Variants in TCERG1L observed in about 807,000 individuals in gnomAD.
The protein encoded by TCERG1L is transcription elongation regulator 1-like protein.
A neutral mutation model predicts 56.3 loss-of-function variants in TCERG1L; 37 were observed. That is an observed-to-expected ratio of 0.66 (90% CI 0.51 to 0.87). The LOEUF (loss-of-function observed/expected upper bound fraction) is 0.87, where lower values mean the gene tolerates loss of function less well. Among genes scored for constraint, TCERG1L ranks in the 40% least tolerant of loss-of-function variants. The pLI is 0.00. For synonymous variants in TCERG1L, 324 were observed against 326.3 expected (o/e 0.99, Z 0.08); for missense variants, 799 against 774.2 (o/e 1.03, Z -0.38).
intron 3 of TCERG1L, among the ~76,000 whole-genome samples, chr10:131,293,246 G>A (rs1347450685): frequency 2.0e-5 from 3 of 152,100 alleles, no homozygotes; most frequent in Admixed American, 2.0e-4. Context: ...CTAATGCCTG[G>A]ATTTGAAAGC....
At chr10:131,165,368 C>T (rs4751336) in intron 5 of TCERG1L, among the ~76,000 whole-genome samples, 63,493 of 152,010 alleles carry the variant, frequency 0.42, 14,178 homozygotes, top group Non-Finnish European at 0.51. Context: ...GGTCTCTTTA[C>T]GTATGTTCAT....
At chr10:131,308,512 G>A (rs773663903) in intron 2 of TCERG1L, 121 bp from the exon 3 acceptor site, 30 of 804,444 alleles carry the variant, frequency 3.7e-5, no homozygotes, top group Non-Finnish European at 5.4e-5. Flanking sequence ...TATTATTGGG[G>A]ACTCTATAAA....
At chr10:131,179,855 C>G (rs1845151919) in intron 4 of TCERG1L, among the ~76,000 whole-genome samples, 1 of 152,200 alleles carries the variant, frequency 6.6e-6, no homozygotes, top group Non-Finnish European at 1.5e-5. Context: ...TCCCCGCACC[C>G]ACTTCTGGGT....
intron 6 of TCERG1L, among the ~76,000 whole-genome samples, chr10:131,149,755 A>T (rs1297864666): frequency 1.3e-5 from 2 of 152,058 alleles, no homozygotes; most frequent in African/African-American, 2.4e-5. Flanking sequence ...GTCTCCAGGC[A>T]CCCCTCTTGC....
intron 3 of TCERG1L, among the ~76,000 whole-genome samples, chr10:131,281,690 C>T (rs919389123): frequency 2.0e-5 from 3 of 151,232 alleles, no homozygotes; most frequent in Admixed American, 6.6e-5. Flanking sequence ...CCCGACGCTC[C>T]GTCCTAAAGT....
intron 4 of TCERG1L, among the ~76,000 whole-genome samples, chr10:131,244,067 G>C (rs1003346904): frequency 1.1e-4 from 17 of 152,196 alleles, no homozygotes; most frequent in African/African-American, 3.9e-4. Flanking sequence ...GTCTAAAATT[G>C]ACACACCCAG....
At chr10:131,248,892 G>A (rs1846072621) in intron 4 of TCERG1L, among the ~76,000 whole-genome samples, 1 of 152,334 alleles carries the variant, frequency 6.6e-6, no homozygotes. Context: ...TCTGACTGGG[G>A]GTGCCCAGCC....
chr10:131,235,792 A>G (rs1845906491), intron 4 of TCERG1L, among the ~76,000 whole-genome samples: 1 of 152,214 alleles, frequency 6.6e-6, no homozygotes, highest in South Asian at 2.1e-4. Context: ...TGAAGCCAGC[A>G]CCAGCAGGGG....
chr10:131,096,015 G>T (rs571710506), intron 11 of TCERG1L, among the ~76,000 whole-genome samples: 10 of 152,318 alleles, frequency 6.6e-5, no homozygotes, highest in African/African-American at 2.4e-4. Context: ...AGTAATGATG[G>T]TCTCAATAGC....
At chr10:131,285,518 AAGAAAGAG>A (rs756966443) in intron 3 of TCERG1L, among the ~76,000 whole-genome samples, 4,611 of 20,760 alleles carry the variant, frequency 0.22, 424 homozygotes, top group South Asian at 0.38. Context: ...GAAAGAAAGA[AAGAAAGAG>A]AGAAAGAAAA....
chr10:131,138,338 T>G (rs1845697524), intron 7 of TCERG1L, among the ~76,000 whole-genome samples: 1 of 152,146 alleles, frequency 6.6e-6, no homozygotes, highest in South Asian at 2.1e-4. Flanking sequence ...CTCTGCTGAC[T>G]GCAAAGACAA....
At chr10:131,180,813 C>T (rs1845166247) in intron 4 of TCERG1L, among the ~76,000 whole-genome samples, 1 of 149,110 alleles carries the variant, frequency 6.7e-6, no homozygotes, top group African/African-American at 2.4e-5. Context: ...CATCATTAAA[C>T]TTTATCAAAT....
At position 131,118,416 on chromosome 10, in the gene TCERG1L, C is replaced by T. The variant is rs1441247809; in HGVS notation, c.1260-1482G>A. Among the ~76,000 whole-genome samples, 1 of 152,186 alleles carries T rather than the reference C, an allele frequency of 6.6e-6. No homozygotes were observed. The highest frequency in any genetic ancestry group is 2.4e-5 in the African/African-American group (1 of 41,450). On this transcript the variant is annotated intron_variant, in intron 8 of 11. Coordinates refer to ENST00000368642, the MANE Select transcript of TCERG1L (RefSeq NM_174937.4). This position sits in a 1 kb window ranked among gnomAD's most constrained non-coding sequence, Gnocchi z 4.2. ...AGTCTCTCCTGGGCCACAGTCTCCCCAAGCTCCACTGAACTTCTCAGTAGG... is the reference window on the plus strand; with the variant it reads ...AGTCTCTCCTGGGCCACAGTCTCCCTAAGCTCCACTGAACTTCTCAGTAGG...
chr10:131,231,007 G>A (rs769719276), intron 4 of TCERG1L, among the ~76,000 whole-genome samples: 26 of 149,628 alleles, frequency 1.7e-4, no homozygotes, highest in Admixed American at 4.6e-4. Context: ...CCTGAGCACC[G>A]CTCCTAGAAC....
In TCERG1L at chr10:131,267,624, G is replaced by T. The variant is rs955482515; in HGVS notation, c.671-7180C>A. Among the ~76,000 whole-genome samples, 4 of 152,342 alleles carry T rather than the reference G, an allele frequency of 2.6e-5. No homozygotes were observed. In the South Asian group the frequency reaches 6.2e-4, roughly 24 times the overall value. On this transcript the variant is annotated intron_variant, in intron 3 of 11. Coordinates refer to ENST00000368642, the MANE Select transcript of TCERG1L (RefSeq NM_174937.4). This position sits in a 1 kb window ranked among gnomAD's most constrained non-coding sequence, Gnocchi z 4.9. ...TCCCATGAGTCCTGGCTGCAACTTT[G>T]GCCGGGTGCTTATGGGCTCCCAGGA... is the stretch of plus-strand genomic sequence containing the variant.
At chr10:131,195,764 C>A (rs985209680) in intron 4 of TCERG1L, among the ~76,000 whole-genome samples, 1 of 152,226 alleles carries the variant, frequency 6.6e-6, no homozygotes, top group Non-Finnish European at 1.5e-5. Flanking sequence ...ACGCCCCTGC[C>A]ATGGCCGGCC....
At chr10:131,239,350 C>T (rs966113808) in intron 4 of TCERG1L, among the ~76,000 whole-genome samples, 4 of 152,058 alleles carry the variant, frequency 2.6e-5, no homozygotes, top group Non-Finnish European at 5.9e-5. Context: ...AGCGATGCCA[C>T]GAATAAGAAT....
At chr10:131,245,484 G>A (rs941143016) in intron 4 of TCERG1L, among the ~76,000 whole-genome samples, 2 of 152,140 alleles carry the variant, frequency 1.3e-5, no homozygotes, top group Non-Finnish European at 2.9e-5. Flanking sequence ...TTCCCTTGAA[G>A]AGGGCTTCCC....
At chr10:131,249,558 A>C (rs986931298) in intron 4 of TCERG1L, among the ~76,000 whole-genome samples, 1 of 152,370 alleles carries the variant, frequency 6.6e-6, no homozygotes, top group East Asian at 1.9e-4. Flanking sequence ...GGGTCCTTGC[A>C]GCCCAGTAGC....
Sources: gnomAD v4.1 joint callset for allele counts (sites outside exome capture counted in the v4.1 genomes callset) on GRCh38, gnomAD v4.1.1 for gene constraint, Gnocchi (gnomAD v3.1) non-coding constraint, MANE v1.5 for transcripts, NCBI Gene and HGNC (gene_info 2026-07-23, HGNC 2026-07-21) for gene names.